Variants in ZNF562 observed in about 807,000 individuals in gnomAD.
ZNF562 encodes zinc finger protein 562.
A neutral mutation model predicts 17.5 loss-of-function variants in ZNF562; 13 were observed. The ratio of observed to expected loss-of-function variants is 0.74; its 90% CI spans 0.48 to 1.18. The LOEUF is 1.18. Ranked by LOEUF, ZNF562 falls within the 50% of genes most tolerant of loss-of-function variation. The pLI is 0.00. For missense variants in ZNF562, 481 were observed against 498.5 expected, an observed-to-expected ratio of 0.96 and a Z score of 0.33; for synonymous variants, 163 against 165.4, an observed-to-expected ratio of 0.99 and a Z score of 0.11.
intron 1 of ZNF562, among the ~76,000 whole-genome samples, chr19:9,670,422 A>C (rs2044146888): frequency 6.6e-6 from 1 of 152,180 alleles, no homozygotes. Flanking sequence ...AAAATATGGA[A>C]TCAACCTAAG....
intron 1 of ZNF562, among the ~76,000 whole-genome samples, chr19:9,672,263 C>A (rs552772357): frequency 6.6e-6 from 1 of 152,084 alleles, no homozygotes; most frequent in East Asian, 1.9e-4. Flanking sequence ...TTAGTTATTA[C>A]GGAAAGTAGA....
intron 1 of ZNF562, among the ~76,000 whole-genome samples, chr19:9,673,670 A>G (rs567992067): frequency 4.6e-5 from 7 of 152,284 alleles, no homozygotes; most frequent in Admixed American, 4.6e-4. Context: ...TAAAAATTAA[A>G]AACTAAAGGC....
At chr19:9,656,443 A>G in intron 5 of ZNF562, 104 bp downstream of exon 5, 3 of 1,239,726 alleles carry the variant, frequency 2.4e-6, no homozygotes, top group South Asian at 1.3e-5. Context: ...TGGGAGTTGG[A>G]GGTTGCGGTG....
At chr19:9,664,517 T>C (rs1049611311) in intron 1 of ZNF562, among the ~76,000 whole-genome samples, 2 of 152,240 alleles carry the variant, frequency 1.3e-5, no homozygotes, top group African/African-American at 4.8e-5. Context: ...GACAAGACCC[T>C]AACAGTCACT....
Position 9,649,420 on chromosome 19 carries a change from G to A in ZNF562, c.*3529C>T, listed in dbSNP as rs2074838220. ...TAAATTCTGACCGCCGGTGAGCCAGGTGGAACAAAGCCACATTTCTCTTCT... is the reference window on the plus strand; with the variant it reads ...TAAATTCTGACCGCCGGTGAGCCAGATGGAACAAAGCCACATTTCTCTTCT... On this transcript the variant is annotated 3_prime_UTR_variant, in exon 6 of 6. Transcript: ENST00000453372. 6.6e-6 allele frequency: 1 copy of A among 152,180 alleles called. No homozygotes were observed. Among genetic ancestry groups the A allele is most frequent in the South Asian group, 2.1e-4 (1 of 4,828 alleles). The allele number at this position is 152,180 out of a possible 1,614,324, so 9.4% of individuals were successfully genotyped here.
chr19:9,670,143 G>C (rs2044130344), intron 1 of ZNF562, among the ~76,000 whole-genome samples: 1 of 152,088 alleles, frequency 6.6e-6, no homozygotes, highest in Non-Finnish European at 1.5e-5. Flanking sequence ...GGAAGCTGAG[G>C]TGGGAGGATC....
In ZNF562 at chr19:9,652,674, G is replaced by A. The variant is rs3208757; in HGVS notation, c.*275C>T. 4.4e-5 allele frequency: 12 copies of A among 271,014 alleles called. No homozygotes were observed. The East Asian group carries it at 7.7e-4, about 17-fold the overall frequency. The allele number at this position is 271,014 out of a possible 1,614,324, so 16.8% of individuals were successfully genotyped here. On this transcript the variant is annotated 3_prime_UTR_variant, in exon 6 of 6. Transcript: ENST00000453372. ...CTCGGGATGCATCTAAGGCCAATCT[G>A]TGAGCCATTACAACCTCCAAAAGGC...
At chr19:9,656,405 A>G (rs1448202055) in intron 5 of ZNF562, 142 bp downstream of exon 5, 1 of 778,680 alleles carries the variant, frequency 1.3e-6, no homozygotes, top group African/African-American at 1.8e-5. Flanking sequence ...GCTACTCGGG[A>G]GGCTGAGGCA....
Position 9,651,425 on chromosome 19 carries a change from G to C in ZNF562, c.*1524C>G, listed in dbSNP as rs540208695. 3.9e-5 allele frequency: 6 copies of C among 152,332 alleles called. No homozygotes were observed. The highest frequency in any genetic ancestry group is 1.4e-4 in the African/African-American group (6 of 41,568). The allele number at this position is 152,332 out of a possible 1,614,324, so 9.4% of individuals were successfully genotyped here. ...ACACAGGAAGCTTCATTATTCCTGA[G>C]TGCTTACAGGAAAATGTGCTGGGAA... is the stretch of plus-strand genomic sequence containing the variant. On this transcript the variant is annotated 3_prime_UTR_variant, in exon 6 of 6. Coordinates refer to ENST00000453372, the MANE Select transcript of ZNF562 (RefSeq NM_001130031.2).
intron 1 of ZNF562, among the ~76,000 whole-genome samples, chr19:9,671,461 G>C (rs1420067711): frequency 1.3e-5 from 2 of 152,078 alleles, no homozygotes; most frequent in Admixed American, 6.6e-5. Flanking sequence ...GGGTGATCCA[G>C]CAAGACTTTG....
Position 9,646,056 on chromosome 19 carries a change from A to G in ZNF562, c.*6893T>C, listed in dbSNP as rs2074804081. The G allele has an allele frequency of 6.6e-6, 1 of 151,398 alleles. No individual in the cohort carries two copies. The highest frequency in any genetic ancestry group is 1.5e-5 in the Non-Finnish European group (1 of 67,862). 9.4% of individuals were successfully genotyped at this position (151,398 alleles called of 1,614,324 possible). Reference sequence around the variant, plus strand: ...CATAAAAGGATTGTTAATTGGTATTATTCAAGTATTTTTTCTTTTTTTTTT... The same window carrying G: ...CATAAAAGGATTGTTAATTGGTATTGTTCAAGTATTTTTTCTTTTTTTTTT... On this transcript the variant is annotated 3_prime_UTR_variant, in exon 6 of 6. Coordinates refer to ENST00000453372, the MANE Select transcript of ZNF562 (RefSeq NM_001130031.2).
intron 4 of ZNF562, among the ~76,000 whole-genome samples, chr19:9,657,671 C>T (rs373868785): frequency 7.9e-5 from 12 of 151,586 alleles, no homozygotes; most frequent in Non-Finnish European, 1.5e-4. Flanking sequence ...CTCAGCCTCC[C>T]GAGTAACTGG....
intron 1 of ZNF562, among the ~76,000 whole-genome samples, chr19:9,663,424 AAG>A (rs1491428343): frequency 6.6e-6 from 1 of 151,172 alleles, no homozygotes; most frequent in African/African-American, 2.4e-5. Context: ...AAAAAAAAAA[AAG>A]GAAAAAGAAA....
rs551215381 is a variant in ZNF562, at chr19:9,649,867, C to G, written c.*3082G>C. On this transcript the variant is annotated 3_prime_UTR_variant, in exon 6 of 6. Transcript: ENST00000453372. ...ACACTCCCTCCCCTTTTGAAAATCC[C>G]TAATAAAAACTTGCTGGTTTTTGCG... The G allele has an allele frequency of 1.1e-4, 17 of 152,274 alleles. No homozygotes were observed. Among genetic ancestry groups the G allele is most frequent in the African/African-American group, 3.4e-4 (14 of 41,552 alleles). The allele number at this position is 152,274 out of a possible 1,614,324, so 9.4% of individuals were successfully genotyped here.
intron 5 of ZNF562, 111 bp from the exon 6 acceptor site, chr19:9,653,992 AT>A (rs57141679): frequency 0.074 from 72,406 of 984,828 alleles, 52 homozygotes; most frequent in East Asian, 0.095. Flanking sequence ...TTAATGTTTA[AT>A]TTTTTTTTTT....
chr19:9,669,734 G>GCACACACA (rs71188835), intron 1 of ZNF562, among the ~76,000 whole-genome samples: 1,632 of 109,180 alleles, frequency 0.015, 19 homozygotes, highest in East Asian at 0.031. Context: ...GCGCGCGCGC[G>GCACACACA]CACACACACA....
chr19:9,665,971 T>G (rs2043940965), intron 1 of ZNF562, among the ~76,000 whole-genome samples: 1 of 150,214 alleles, frequency 6.7e-6, no homozygotes, highest in Non-Finnish European at 1.5e-5. Context: ...ATCACACCAC[T>G]GCACTCCAGG....
chr19:9,654,980 CTG>C (rs774333822), intron 5 of ZNF562, among the ~76,000 whole-genome samples: 1 of 151,994 alleles, frequency 6.6e-6, no homozygotes, highest in Non-Finnish European at 1.5e-5. Context: ...CAAAAAAAAA[CTG>C]TCTTTTTTTG....
chr19:9,655,315 T>G (rs2043423482), intron 5 of ZNF562, among the ~76,000 whole-genome samples: 1 of 152,120 alleles, frequency 6.6e-6, no homozygotes, highest in African/African-American at 2.4e-5. Context: ...CATGAAACTT[T>G]AAATCCTCAA....
Sources: gnomAD v4.1 joint callset for allele counts (sites outside exome capture counted in the v4.1 genomes callset) on GRCh38, gnomAD v4.1.1 for gene constraint, MANE v1.5 for transcripts, NCBI Gene and HGNC (gene_info 2026-07-23, HGNC 2026-07-21) for gene names.